Variants in CEP350 observed in about 807,000 individuals in gnomAD.
CEP350 encodes centrosome-associated protein 350.
In CEP350, 126 loss-of-function variants were observed where a neutral mutation model predicts 331.8. That is an observed-to-expected ratio of 0.38 (90% CI 0.33 to 0.44). CEP350 has a LOEUF of 0.44. Among genes scored for constraint, CEP350 ranks in the 20% least tolerant of loss-of-function variants. The pLI is 1.00. For missense variants in CEP350, 3,406 were observed against 3,634.6 expected (o/e 0.94, Z 1.62); for synonymous variants, 1,200 against 1,259.5 (o/e 0.95, Z 1.00).
intron 26 of CEP350, among the ~76,000 whole-genome samples, chr1:180,063,629 G>T (rs1048920671): frequency 1.3e-5 from 2 of 152,016 alleles, no homozygotes; most frequent in Admixed American, 1.3e-4. Flanking sequence ...CTGGGCAACA[G>T]GGCGAAACTC....
intron 3 of CEP350, among the ~76,000 whole-genome samples, chr1:179,987,582 TAAAC>T (rs1257915283): frequency 6.6e-6 from 1 of 150,970 alleles, no homozygotes; most frequent in African/African-American, 2.4e-5. Flanking sequence ...GGTAAAGTCA[TAAAC>T]AAGATACTAC....
At chr1:179,977,735 A>G (rs1434779429) in intron 1 of CEP350, among the ~76,000 whole-genome samples, 1 of 152,116 alleles carries the variant, frequency 6.6e-6, no homozygotes, top group African/African-American at 2.4e-5. Flanking sequence ...AAGTTGATTA[A>G]AAAATCTTTC....
intron 34 of CEP350, 51 bp from the exon 35 acceptor site, chr1:180,095,472 T>A (rs747606921): frequency 3.3e-6 from 5 of 1,528,826 alleles, no homozygotes; most frequent in Non-Finnish European, 4.4e-6. Context: ...TAAAAAAAAA[T>A]GATATGAGGT....
chr1:180,088,074 G>A (rs1323725466), intron 32 of CEP350, among the ~76,000 whole-genome samples: 3 of 151,962 alleles, frequency 2.0e-5, no homozygotes, highest in Non-Finnish European at 4.4e-5. Context: ...TCCTATTTCT[G>A]GAAGTCTAAA....
rs1655269307 is a variant in CEP350 at position 180,020,674 on chromosome 1, C to G, written c.2900C>G (p.Ser967Cys). ...TCTAGCTCTGATATGCAAGCCTGTT[C>G]TCAAGACAAAGCCAAAATATCTCTT... ...DSSSSDMQACSQDKAKISLGS... is the reference protein window; with the variant it reads ...DSSSSDMQACCQDKAKISLGS... Residue 967 changes from serine to cysteine, a missense_variant, in exon 12 of 38, where the codon TCT becomes TGT. Physicochemically the swap from Ser to Cys is moderately radical, Grantham distance 112 (BLOSUM62 -1). This residue lies in a region of CEP350 where 1,857 missense variants were observed against 1,909.2 expected (regional missense o/e 0.97). Transcript: ENST00000367607. 6.2e-7 allele frequency: 1 copy of G among 1,613,870 alleles called. No individual in the cohort carries two copies. The highest frequency in any genetic ancestry group is 1.7e-5 in the Admixed American group (1 of 60,004).
intron 1 of CEP350, among the ~76,000 whole-genome samples, chr1:179,980,950 C>T (rs1280897167): frequency 6.6e-6 from 1 of 151,958 alleles, no homozygotes; most frequent in African/African-American, 2.4e-5. Flanking sequence ...AGAAAGTGAT[C>T]CACAAAGCTG....
intron 30 of CEP350, among the ~76,000 whole-genome samples, chr1:180,080,872 T>A (rs1230168913): frequency 6.6e-6 from 1 of 152,130 alleles, no homozygotes; most frequent in African/African-American, 2.4e-5. Context: ...TTTTTTGTTA[T>A]TTTTTAAGAC....
At chr1:179,997,842 G>C (rs1040845135) in intron 6 of CEP350, among the ~76,000 whole-genome samples, 1 of 152,124 alleles carries the variant, frequency 6.6e-6, no homozygotes, top group African/African-American at 2.4e-5. Flanking sequence ...TCCATTTCCA[G>C]AAAATATTTG....
At chr1:179,986,015 A>G (rs1471587376) in intron 1 of CEP350, among the ~76,000 whole-genome samples, 154 bp from the exon 2 acceptor site, 2 of 152,190 alleles carry the variant, frequency 1.3e-5, no homozygotes, top group Admixed American at 1.3e-4. Flanking sequence ...AATCTTTGCC[A>G]GCTGTTATTA....
In CEP350 at chr1:180,014,335, C is replaced by T. The variant is rs1218154256; in HGVS notation, c.1882C>T (p.Arg628Ter). The T allele has an allele frequency of 1.9e-6, 3 of 1,590,144 alleles. No homozygotes were observed. The highest frequency in any genetic ancestry group is 1.3e-5 in the African/African-American group (1 of 74,428). Reference sequence around the variant, plus strand: ...GGAGGCTACAGAACAGAAAAACAAACGATTACAAGAGCTCTACCGGAAGCA... The same window carrying T: ...GGAGGCTACAGAACAGAAAAACAAATGATTACAAGAGCTCTACCGGAAGCA... ...QKEATEQKNK[R>*]LQELYRKQKE... The change falls in exon 10 of 38, where the codon CGA becomes TGA. Residue 628 changes from arginine (R) to a stop codon, truncating the protein, a stop_gained. Coordinates refer to ENST00000367607, the MANE Select transcript of CEP350 (RefSeq NM_014810.5). LOFTEE classifies it high-confidence loss of function.
At chr1:180,001,057 G>A (rs1653837326) in intron 6 of CEP350, among the ~76,000 whole-genome samples, 1 of 152,026 alleles carries the variant, frequency 6.6e-6, no homozygotes, top group Non-Finnish European at 1.5e-5. Flanking sequence ...TACTTACAAA[G>A]TACTACTACC....
At chr1:179,968,995 C>CG (rs888391072) in intron 1 of CEP350, 11 of 756,726 alleles carry the variant, frequency 1.5e-5, no homozygotes, top group African/African-American at 1.4e-4. Flanking sequence ...GGCAGCCTTC[C>CG]GGGAGCCATG....
intron 22 of CEP350, among the ~76,000 whole-genome samples, chr1:180,050,716 A>G (rs892285691): frequency 5.7e-4 from 87 of 151,928 alleles, no homozygotes; most frequent in African/African-American, 2.1e-3. Flanking sequence ...AATAGGAAAA[A>G]CAACTCAATT....
chr1:180,022,401 G>A (rs1245484990), intron 12 of CEP350, among the ~76,000 whole-genome samples: 3 of 152,126 alleles, frequency 2.0e-5, no homozygotes, highest in Non-Finnish European at 4.4e-5. Context: ...GGGAGATGAA[G>A]GTAGTAGGAG....
chr1:180,099,663 T>C (rs1232780404), intron 37 of CEP350, among the ~76,000 whole-genome samples: 2 of 152,228 alleles, frequency 1.3e-5, no homozygotes, highest in African/African-American at 4.8e-5. Context: ...GTGTAATACT[T>C]AAATTTATCA....
intron 37 of CEP350, 57 bp downstream of exon 37, chr1:180,099,042 G>T (rs1228830915): frequency 2.0e-5 from 30 of 1,537,020 alleles, no homozygotes; most frequent in Non-Finnish European, 2.6e-5. Context: ...AACTCAGAAT[G>T]CAGTTAGATT....
chr1:180,095,750 A>G lies in CEP350; in HGVS notation c.8739A>G (p.Leu2913=). The G allele has an allele frequency of 6.2e-7, 1 of 1,614,010 alleles. No homozygotes were observed. The highest frequency in any genetic ancestry group is 8.5e-7 in the Non-Finnish European group (1 of 1,179,884). ...TAACCCAACAACCATGTGAAACATTATTGGCAGTCCCCCATACTGCAGAAG... is the reference window on the plus strand; with the variant it reads ...TAACCCAACAACCATGTGAAACATTGTTGGCAGTCCCCCATACTGCAGAAG... ...KRVTQQPCET[L]LAVPHTAEEV... is the part of the protein sequence containing the mutation. The change falls in exon 35 of 38, where the codon TTA becomes TTG. Residue 2913 remains leucine, a synonymous_variant. Coordinates refer to ENST00000367607, the MANE Select transcript of CEP350 (RefSeq NM_014810.5).
At chr1:179,968,730 C>A in intron 1 of CEP350, 1 of 590,554 alleles carries the variant, frequency 1.7e-6, no homozygotes, top group East Asian at 4.0e-5. Flanking sequence ...TAGATGGCAC[C>A]AGCCTTGACT....
chr1:180,077,946 G>T (rs1002709029), intron 28 of CEP350, among the ~76,000 whole-genome samples: 1 of 151,818 alleles, frequency 6.6e-6, no homozygotes, highest in Non-Finnish European at 1.5e-5. Context: ...CAGCCTGGCC[G>T]CCATGGTGAA....
Sources: gnomAD v4.1 joint callset for allele counts (sites outside exome capture counted in the v4.1 genomes callset) on GRCh38, gnomAD v4.1.1 for gene constraint, gnomAD v4.1.1 regional missense constraint, MANE v1.5 for transcripts, NCBI Gene and HGNC (gene_info 2026-07-23, HGNC 2026-07-21) for gene names.